GPC5: variants seen among roughly 807,000 people sequenced by gnomAD.
The protein encoded by GPC5 is glypican-5.
A neutral mutation model predicts 53.9 loss-of-function variants in GPC5; 47 were observed. The observed-to-expected ratio is 0.87, with a 90% confidence interval of 0.69 to 1.11. The LOEUF is 1.11. GPC5 is among the 50% of genes most tolerant of loss of function. The pLI is 0.00. For synonymous variants in GPC5, 286 were observed against 263.3 expected, an observed-to-expected ratio of 1.09 and a Z score of -0.84; for missense variants, 748 against 713.1, an observed-to-expected ratio of 1.05 and a Z score of -0.56.
chr13:91,635,337 T>C (rs1242985958), intron 2 of GPC5, among the ~76,000 whole-genome samples: 1 of 152,086 alleles, frequency 6.6e-6, no homozygotes, highest in Non-Finnish European at 1.5e-5. Context: ...GCATTAACCT[T>C]TGGTGTATAT....
chr13:92,525,893 A>G (rs1881262850), intron 7 of GPC5, among the ~76,000 whole-genome samples: 1 of 152,094 alleles, frequency 6.6e-6, no homozygotes. Context: ...CTTAGGCACA[A>G]TGTTTACTGT....
intron 7 of GPC5, among the ~76,000 whole-genome samples, chr13:92,617,494 T>C (rs924179496): frequency 1.1e-4 from 17 of 152,164 alleles, no homozygotes; most frequent in African/African-American, 4.1e-4. Flanking sequence ...GCTTACTTCT[T>C]TTTTCACCAG....
intron 7 of GPC5, among the ~76,000 whole-genome samples, chr13:92,580,633 T>G (rs1883341119): frequency 6.6e-6 from 1 of 152,136 alleles, no homozygotes; most frequent in Admixed American, 6.6e-5. Context: ...GAGCTTTTTC[T>G]AATGGTGGAA....
intron 6 of GPC5, among the ~76,000 whole-genome samples, chr13:92,050,004 T>G (rs544040029): frequency 2.0e-5 from 3 of 152,174 alleles, no homozygotes; most frequent in African/African-American, 4.8e-5. Context: ...AGCAGAAAAC[T>G]TGTCTTCCTG....
chr13:92,594,464 C>A (rs1883805787), intron 7 of GPC5, among the ~76,000 whole-genome samples: 1 of 152,174 alleles, frequency 6.6e-6, no homozygotes, highest in Non-Finnish European at 1.5e-5. Flanking sequence ...TTGTCTATTT[C>A]TCAGCTTTAC....
chr13:92,866,829 G>A lies in GPC5; in HGVS notation c.*390G>A, dbSNP rs1879351686. 1 of 154,600 alleles carries A rather than the reference G, an allele frequency of 6.5e-6. No individual in the cohort carries two copies. The highest frequency in any genetic ancestry group is 2.4e-5 in the African/African-American group (1 of 41,528). 9.6% of individuals were successfully genotyped at this position (154,600 alleles called of 1,614,324 possible). A position where few individuals can be genotyped will look rare whatever the true frequency, so the allele number is the denominator to read the frequency against. ...GTGTATTTGCCAGACAATGAAAACA[G>A]TATGCAGTATTTCTTAAAGTATTGA... On this transcript the variant is annotated 3_prime_UTR_variant, in exon 8 of 8. Transcript: ENST00000377067.
chr13:92,608,992 C>T (rs1422771142), intron 7 of GPC5, among the ~76,000 whole-genome samples: 4 of 152,044 alleles, frequency 2.6e-5, no homozygotes, highest in African/African-American at 9.7e-5. Flanking sequence ...TCTTGAAAAA[C>T]TGTTATTGTT....
chr13:92,278,919 T>C (rs1165769872), intron 7 of GPC5, among the ~76,000 whole-genome samples: 2 of 152,084 alleles, frequency 1.3e-5, no homozygotes, highest in East Asian at 3.8e-4. Flanking sequence ...TACATTTGAC[T>C]ACTGAAACTT....
At chr13:92,560,574 G>T (rs913553430) in intron 7 of GPC5, among the ~76,000 whole-genome samples, 1 of 151,956 alleles carries the variant, frequency 6.6e-6, no homozygotes, top group Non-Finnish European at 1.5e-5. Flanking sequence ...GAACATAATG[G>T]TTCTCCATAT....
At chr13:91,564,564 T>G (rs1366765682) in intron 2 of GPC5, among the ~76,000 whole-genome samples, 1 of 152,184 alleles carries the variant, frequency 6.6e-6, no homozygotes. Flanking sequence ...TGAATTTTAA[T>G]GTATTTGCAA....
intron 7 of GPC5, among the ~76,000 whole-genome samples, chr13:92,647,060 A>G (rs1448611936): frequency 6.6e-6 from 1 of 151,864 alleles, no homozygotes; most frequent in Non-Finnish European, 1.5e-5. Flanking sequence ...AATAGCTAAC[A>G]TCTGTTAATA....
chr13:91,438,380 G>A (rs1412658129), intron 1 of GPC5, among the ~76,000 whole-genome samples: 1 of 152,214 alleles, frequency 6.6e-6, no homozygotes, highest in Non-Finnish European at 1.5e-5. Flanking sequence ...CCTTCTAACA[G>A]TCAGGACCCT....
At chr13:92,569,910 C>A (rs920590849) in intron 7 of GPC5, among the ~76,000 whole-genome samples, 6 of 152,126 alleles carry the variant, frequency 3.9e-5, no homozygotes, top group African/African-American at 1.4e-4. Flanking sequence ...TTCTTTCTTT[C>A]CTATAATCTC....
intron 7 of GPC5, among the ~76,000 whole-genome samples, chr13:92,653,479 T>G (rs137967367): frequency 6.6e-6 from 1 of 152,286 alleles, no homozygotes; most frequent in East Asian, 1.9e-4. Flanking sequence ...TTCAAATATC[T>G]CATGTATTTG....
chr13:92,452,954 G>A (rs1240816242), intron 7 of GPC5, among the ~76,000 whole-genome samples: 1 of 152,158 alleles, frequency 6.6e-6, no homozygotes, highest in African/African-American at 2.4e-5. Context: ...GACAGAAAGG[G>A]CTGGATTTTA....
intron 2 of GPC5, among the ~76,000 whole-genome samples, chr13:91,522,654 T>TCCCTCA (rs1437908114): frequency 6.6e-6 from 1 of 151,996 alleles, no homozygotes; most frequent in African/African-American, 2.4e-5. Context: ...CCTAATGCTA[T>TCCCTCA]CCCTCACCCT....
chr13:92,304,057 A>G (rs1281547539), intron 7 of GPC5, among the ~76,000 whole-genome samples: 1 of 152,164 alleles, frequency 6.6e-6, no homozygotes, highest in Non-Finnish European at 1.5e-5. Context: ...TAGTGGATAC[A>G]CATCAATTAA....
At chr13:91,841,464 C>T (rs1270015520) in intron 5 of GPC5, among the ~76,000 whole-genome samples, 2 of 151,370 alleles carry the variant, frequency 1.3e-5, no homozygotes, top group East Asian at 3.9e-4. Context: ...TAGCATTTTA[C>T]ATAAAAAATT....
intron 7 of GPC5, among the ~76,000 whole-genome samples, chr13:92,341,022 T>A (rs2043361899): frequency 6.6e-6 from 1 of 152,104 alleles, no homozygotes; most frequent in Admixed American, 6.6e-5. Flanking sequence ...CCATCTTCAT[T>A]TTTTTTAAAA....
Sources: allele counts gnomAD v4.1 joint callset (sites outside exome capture counted in the v4.1 genomes callset), GRCh38; gene constraint gnomAD v4.1.1; transcripts MANE v1.5; gene names NCBI Gene and HGNC (gene_info 2026-07-23, HGNC 2026-07-21).